The following ATG4A variants were observed in gnomAD, a reference collection of about 807,000 sequenced individuals.
The protein encoded by ATG4A is cysteine protease ATG4A.
In ATG4A, 22 loss-of-function variants were observed where a neutral mutation model predicts 38.4. The ratio of observed to expected loss-of-function variants is 0.57; its 90% CI spans 0.41 to 0.82. ATG4A has a LOEUF of 0.82. Among genes scored for constraint, ATG4A ranks in the 40% least tolerant of loss-of-function variants. The probability of loss-of-function intolerance (pLI) is 0.00; values close to 1 mark genes in which losing one functional copy is unlikely to be tolerated. For missense variants in ATG4A, 220 were observed against 290.0 expected, an observed-to-expected ratio of 0.76 and a Z score of 1.75; for synonymous variants, 86 against 100.7, an observed-to-expected ratio of 0.85 and a Z score of 0.88.
At chrX:108,090,713 G>T (rs2147944323), upstream of ATG4A, among the ~76,000 whole-genome samples, 1 of 112,194 alleles carries the variant, frequency 8.9e-6, no homozygotes, top group Admixed American at 9.4e-5. Flanking sequence ...AGAAACTGAG[G>T]ATGAAAGCAC....
At chrX:108,132,549 A>C (rs1158608104) in intron 4 of ATG4A, among the ~76,000 whole-genome samples, 2 of 110,998 alleles carry the variant, frequency 1.8e-5, no homozygotes, top group East Asian at 5.7e-4. Flanking sequence ...TGGATAGTAT[A>C]ATAATTTCCA....
chrX:108,139,793 A>G (rs1199126028), intron 9 of ATG4A, among the ~76,000 whole-genome samples: 2 of 109,098 alleles, frequency 1.8e-5, no homozygotes, highest in Admixed American at 1.0e-4. Flanking sequence ...ACTGTTCTGG[A>G]GGCTGGAGGT....
rs760585589 is a variant in ATG4A at position 108,118,014 on chromosome X, C to T, written c.11-8063C>T. On this transcript the variant is annotated intron_variant, in intron 1 of 12. Coordinates refer to ENST00000372232, the MANE Select transcript of ATG4A (RefSeq NM_052936.5). ...TATAAAGTGTTGTTTGCTTAGGAAC[C>T]GTGTCCAAAACATTGCTTTCAGCTG... Among the ~76,000 whole-genome samples the T allele has an allele frequency of 4.5e-5, 5 of 112,286 alleles. No individual in the cohort carries two copies. In the South Asian group the frequency reaches 1.9e-3, roughly 42 times the overall value.
chrX:108,127,689 C>G (rs979768768), intron 2 of ATG4A, among the ~76,000 whole-genome samples: 5 of 112,165 alleles, frequency 4.5e-5, no homozygotes, highest in African/African-American at 6.5e-5. Flanking sequence ...TTCCGATTTG[C>G]TCCAAAGAAA....
intron 1 of ATG4A, among the ~76,000 whole-genome samples, chrX:108,109,803 G>A (rs1433952727): frequency 9.0e-6 from 1 of 111,618 alleles, no homozygotes; most frequent in Non-Finnish European, 1.9e-5. Flanking sequence ...TTATGTGTGA[G>A]CTTTCTATTC....
intron 6 of ATG4A, 64 bp from the exon 7 acceptor site, chrX:108,137,027 G>A (rs2033122894): frequency 1.0e-6 from 1 of 983,130 alleles, no homozygotes; most frequent in Non-Finnish European, 1.4e-6. Flanking sequence ...GGCATAAATT[G>A]TACTGTTTTC....
chrX:108,128,277 CT>C (rs1384130997), intron 2 of ATG4A, among the ~76,000 whole-genome samples: 1 of 110,872 alleles, frequency 9.0e-6, no homozygotes, highest in Non-Finnish European at 1.9e-5. Flanking sequence ...GTTGCCCAGG[CT>C]GGTCTTGAAT....
At chrX:108,110,902 T>C (rs1196887049) in intron 1 of ATG4A, among the ~76,000 whole-genome samples, 3 of 111,683 alleles carry the variant, frequency 2.7e-5, no homozygotes, top group Non-Finnish European at 1.9e-5. Context: ...TAGTTTCTCA[T>C]TGGTATACTT....
chrX:108,128,893 G>C, intron 3 of ATG4A, 41 bp downstream of exon 3: 1 of 985,475 alleles, frequency 1.0e-6, no homozygotes. Context: ...ATTCCTTGTG[G>C]ATAGCTTGCC....
intron 1 of ATG4A, among the ~76,000 whole-genome samples, chrX:108,112,266 C>T (rs2032375206): frequency 8.9e-6 from 1 of 111,855 alleles, no homozygotes; most frequent in Non-Finnish European, 1.9e-5. Flanking sequence ...CATTAACCTC[C>T]CCACAAGGAC....
At chrX:108,129,870 CTTTTTTTT>C (rs775581997) in intron 3 of ATG4A, among the ~76,000 whole-genome samples, 9 of 95,012 alleles carry the variant, frequency 9.5e-5, no homozygotes, top group African/African-American at 3.4e-4. Flanking sequence ...GCTCCCGGCC[CTTTTTTTT>C]TTTTTTTTTT....
Position 108,137,705 on chromosome X carries a change from G to A in ATG4A, c.548-99G>A. On this transcript the variant is annotated intron_variant, in intron 7 of 12. Transcript: ENST00000372232. ...GCAGAGGAGAGGGCCTTCTAGGCAG[G>A]GTGGGGGGCATGTGAGGTTCCCCTT... 3.4e-6 allele frequency: 3 copies of A among 873,011 alleles called. No homozygotes were observed. The South Asian group carries it at 8.8e-5, about 26-fold the overall frequency. 71.9% of individuals were successfully genotyped at this position (873,011 alleles called of 1,213,427 possible). A position where few individuals can be genotyped will look rare whatever the true frequency, so the allele number is the denominator to read the frequency against.
At chrX:108,091,717 C>T (rs879148496), upstream of ATG4A, 835 of 1,077,441 alleles carry the variant, frequency 7.7e-4, 1 homozygote, top group South Asian at 1.6e-3. Flanking sequence ...CTTTGCTGCC[C>T]TCACAGACTT....
At chrX:108,098,068 C>T (rs56257303) in intron 1 of ATG4A, among the ~76,000 whole-genome samples, 6 of 110,685 alleles carry the variant, frequency 5.4e-5, no homozygotes, top group Non-Finnish European at 1.1e-4. Context: ...CCCATCAACT[C>T]GTCATTTACA....
intron 1 of ATG4A, among the ~76,000 whole-genome samples, chrX:108,101,682 A>C (rs1446013045): frequency 9.2e-6 from 1 of 109,032 alleles, no homozygotes; most frequent in African/African-American, 3.3e-5. Flanking sequence ...GATCTCTAGA[A>C]ATTTTTCATC....
intron 1 of ATG4A, among the ~76,000 whole-genome samples, chrX:108,105,904 G>A (rs1370088512): frequency 9.0e-6 from 1 of 111,444 alleles, no homozygotes; most frequent in African/African-American, 3.3e-5. Flanking sequence ...ATGCAGATAA[G>A]GTGAGATTGC....
At position 108,127,106 on chromosome X, in the gene ATG4A, T is replaced by C. The variant is rs537297065; in HGVS notation, c.121+919T>C. On this transcript the variant is annotated intron_variant, in intron 2 of 12. Coordinates refer to ENST00000372232, the MANE Select transcript of ATG4A (RefSeq NM_052936.5). ...CTCTTCTAACTCAGGTAAGTCACTG[T>C]CTCTTTCTGGATCTTAACTTCCTTC... The C allele has an allele frequency of 3.0e-5, 4 of 134,041 alleles. No individual in the cohort carries two copies. The East Asian group carries it at 6.2e-4, about 21-fold the overall frequency. 11.0% of individuals were successfully genotyped at this position (134,041 alleles called of 1,213,427 possible). A position where few individuals can be genotyped will look rare whatever the true frequency, so the allele number is the denominator to read the frequency against.
chrX:108,100,606 G>A (rs1047083627), intron 1 of ATG4A, among the ~76,000 whole-genome samples: 4 of 110,894 alleles, frequency 3.6e-5, no homozygotes, highest in African/African-American at 1.3e-4. Flanking sequence ...AGTTGTCTGA[G>A]TGTTTTTATC....
intron 9 of ATG4A, among the ~76,000 whole-genome samples, chrX:108,141,042 A>T (rs1229810292): frequency 1.4e-5 from 1 of 74,023 alleles, no homozygotes; most frequent in South Asian, 6.8e-4. Flanking sequence ...ATATATACAT[A>T]TATATACATA....
Sources: allele counts gnomAD v4.1 joint callset (sites outside exome capture counted in the v4.1 genomes callset), GRCh38; gene constraint gnomAD v4.1.1; transcripts MANE v1.5; gene names NCBI Gene and HGNC (gene_info 2026-07-23, HGNC 2026-07-21).